ACACB: variants seen among roughly 807,000 people sequenced by gnomAD.
ACACB encodes the protein acetyl-CoA carboxylase beta, also known as acetyl-CoA carboxylase 2.
ACACB carries 209 observed loss-of-function variants against 278.8 expected under a neutral mutation model. The ratio of observed to expected loss-of-function variants is 0.75; its 90% CI spans 0.67 to 0.84. The LOEUF (loss-of-function observed/expected upper bound fraction) is 0.84, where lower values mean the gene tolerates loss of function less well. ACACB is among the 40% of genes least tolerant of loss of function. ACACB has a pLI of 0.00. For synonymous variants in ACACB, 1,174 were observed against 1,285.6 expected (o/e 0.91, Z 1.86); for missense variants, 2,850 against 3,269.0 (o/e 0.87, Z 3.13).
intron 41 of ACACB, 111 bp from the exon 42 acceptor site, chr12:109,251,935 G>T: frequency 1.2e-5 from 9 of 741,820 alleles, no homozygotes; most frequent in Non-Finnish European, 1.9e-5. Flanking sequence ...GGTTGCCATT[G>T]GTCAAAACAT....
At chr12:109,116,793 G>A (rs146533576) in intron 1 of ACACB, 89 bp downstream of exon 1, 56 of 152,240 alleles carry the variant, frequency 3.7e-4, no homozygotes, top group Middle Eastern at 6.8e-3. Flanking sequence ...AGCAGACCCT[G>A]TCTGAAGGCA....
intron 9 of ACACB, 113 bp downstream of exon 9, chr12:109,176,376 C>G (rs533399535): frequency 2.9e-5 from 28 of 950,600 alleles, no homozygotes; most frequent in South Asian, 2.4e-4. Flanking sequence ...TTTGTAGGAG[C>G]TGGATGTATC....
chr12:109,210,235 A>ATATATACACACGTGTG lies in ACACB; in HGVS notation c.3249+887_3249+888insACACACGTGTGTATAT, dbSNP rs1217482493. On this transcript the variant is annotated intron_variant, in intron 21 of 52. Coordinates refer to ENST00000338432, the MANE Select transcript of ACACB (RefSeq NM_001093.4). ...TATATACACACATGTGTGTATATGT[A>ATATATACACACGTGTG]TATATGTATATATACACACATGTGT... Among the ~76,000 whole-genome samples the ATATATACACACGTGTG allele has an allele frequency of 1.9e-3, 40 of 21,092 alleles. 11 individuals are homozygous for ATATATACACACGTGTG. Among genetic ancestry groups the ATATATACACACGTGTG allele is most frequent in the South Asian group, 2.4e-3 (1 of 414 alleles). 13.8% of individuals were successfully genotyped at this position (21,092 alleles called of 152,430 possible).
At chr12:109,259,563 CA>C (rs567756898) in intron 47 of ACACB, among the ~76,000 whole-genome samples, 18 of 118,936 alleles carry the variant, frequency 1.5e-4, no homozygotes, top group Admixed American at 2.7e-4. Flanking sequence ...ACCCCCATCT[CA>C]AAAAAAAAAA....
intron 2 of ACACB, among the ~76,000 whole-genome samples, chr12:109,145,419 T>C (rs1368082775): frequency 2.6e-5 from 4 of 152,206 alleles, no homozygotes; most frequent in South Asian, 2.1e-4. Flanking sequence ...GTGTACATTG[T>C]ATCTATTAGG....
In ACACB at chr12:109,118,295, GA is replaced by G. The variant is rs571073824; in HGVS notation, c.-10+1594del. Among the ~76,000 whole-genome samples the G allele has an allele frequency of 1.2e-4, 19 of 152,166 alleles. No homozygotes were observed. In the South Asian group the frequency reaches 3.9e-3, roughly 32 times the overall value. ...TTTCAACACCTTTAGGTCTGAGACAGAAATTTGAGTATTACATTACATGAGA... is the reference window on the plus strand; with the variant it reads ...TTTCAACACCTTTAGGTCTGAGACAGAATTTGAGTATTACATTACATGAGA... On this transcript the variant is annotated intron_variant, in intron 1 of 52. Transcript: ENST00000338432.
At chr12:109,185,457 A>T in intron 11 of ACACB, 122 bp from the exon 12 acceptor site, 1 of 1,037,264 alleles carries the variant, frequency 9.6e-7, no homozygotes, top group Non-Finnish European at 1.4e-6. Flanking sequence ...TTGTCTATAG[A>T]GTAGTGTCTG....
intron 21 of ACACB, 144 bp from the exon 22 acceptor site, chr12:109,212,692 G>T: frequency 3.0e-6 from 2 of 666,054 alleles, no homozygotes; most frequent in Non-Finnish European, 5.3e-6. Flanking sequence ...CTCACCCACT[G>T]CTTACCTCCC....
At chr12:109,254,631 G>A (rs190131238) in intron 44 of ACACB, among the ~76,000 whole-genome samples, 141 of 152,154 alleles carry the variant, frequency 9.3e-4, no homozygotes, top group Non-Finnish European at 1.5e-3. Flanking sequence ...TCCATGCTCC[G>A]TGGTCTCTAA....
intron 24 of ACACB, among the ~76,000 whole-genome samples, chr12:109,220,236 G>A (rs1555225383): frequency 6.6e-6 from 1 of 152,098 alleles, no homozygotes; most frequent in Non-Finnish European, 1.5e-5. Flanking sequence ...TTACAGTCTC[G>A]GGATAAATGT....
chr12:109,256,966 G>A (rs779875892), intron 45 of ACACB, among the ~76,000 whole-genome samples: 4 of 152,098 alleles, frequency 2.6e-5, no homozygotes, highest in Admixed American at 6.6e-5. Flanking sequence ...TTACATCTTC[G>A]GCAATAAATA....
chr12:109,198,826 G>A (rs952798677), intron 17 of ACACB, among the ~76,000 whole-genome samples: 6 of 151,336 alleles, frequency 4.0e-5, no homozygotes, highest in Admixed American at 3.3e-4. Context: ...GGGTCTCACT[G>A]TGTTGCCCAA....
In ACACB at chr12:109,171,898, A is replaced by G; in HGVS notation, c.1019A>G (p.Lys340Arg). The G allele has an allele frequency of 6.2e-7, 1 of 1,614,022 alleles. No homozygotes were observed. The highest frequency in any genetic ancestry group is 8.5e-7 in the Non-Finnish European group (1 of 1,179,924). Residue 340 changes from lysine to arginine, a missense_variant, in exon 5 of 53, where the codon AAG becomes AGG. This residue lies in a region of ACACB where 2,265 missense variants were observed against 2,561.3 expected (regional missense o/e 0.88). Transcript: ENST00000338432. ...GTGGAGCTGATTGTGGACATTGCCA[A>G]GAGAATCCCCGTGCAGGTAGATGGA... Reference protein sequence around the residue: ...ANVELIVDIAKRIPVQAVWAG... With the variant: ...ANVELIVDIARRIPVQAVWAG...
At position 109,210,410 on chromosome 12, in the gene ACACB, C is replaced by CATGTGTATATATGTATATACACGCACAT. The variant is rs1565928347; in HGVS notation, c.3249+1058_3249+1059insTGTGTATATATGTATATACACGCACATA. 2.1e-3 allele frequency among the ~76,000 whole-genome samples: 269 copies of CATGTGTATATATGTATATACACGCACAT among 129,812 alleles called. 3 individuals are homozygous for CATGTGTATATATGTATATACACGCACAT. The highest frequency in any genetic ancestry group is 8.0e-3 in the African/African-American group (254 of 31,578). 85.2% of individuals were successfully genotyped at this position (129,812 alleles called of 152,430 possible). A position where few individuals can be genotyped will look rare whatever the true frequency, so the allele number is the denominator to read the frequency against. ...GTGTATATATGTATATACACGCACACACATGTGTATATATGTATATACACG... is the reference window on the plus strand; with the variant it reads ...GTGTATATATGTATATACACGCACACATGTGTATATATGTATATACACGCACATACATGTGTATATATGTATATACACG... On this transcript the variant is annotated intron_variant, in intron 21 of 52. Coordinates refer to ENST00000338432, the MANE Select transcript of ACACB (RefSeq NM_001093.4).
At chr12:109,144,532 C>A (rs2043190888) in intron 2 of ACACB, among the ~76,000 whole-genome samples, 1 of 151,938 alleles carries the variant, frequency 6.6e-6, no homozygotes, top group Non-Finnish European at 1.5e-5. Context: ...AAGGTGGTGT[C>A]AAAAGACAAA....
chr12:109,183,527 T>C (rs1188466347), intron 11 of ACACB, among the ~76,000 whole-genome samples: 1 of 152,234 alleles, frequency 6.6e-6, no homozygotes, highest in African/African-American at 2.4e-5. Context: ...CCAGGGATTT[T>C]ATTTTGTTTG....
intron 45 of ACACB, 29 bp downstream of exon 45, chr12:109,256,265 C>A: frequency 6.3e-7 from 1 of 1,593,630 alleles, no homozygotes; most frequent in South Asian, 1.1e-5. Context: ...GCAGGCTGCC[C>A]ATGTCTGACT....
intron 27 of ACACB, among the ~76,000 whole-genome samples, chr12:109,224,652 C>T (rs7135143): frequency 0.089 from 13,579 of 151,936 alleles, 1,611 homozygotes; most frequent in African/African-American, 0.27. Flanking sequence ...CTTCCTCAGC[C>T]TCCCCAGTAG....
intron 17 of ACACB, among the ~76,000 whole-genome samples, chr12:109,197,830 C>G (rs978763863): frequency 1.3e-5 from 2 of 152,168 alleles, no homozygotes; most frequent in African/African-American, 4.8e-5. Context: ...TGGAGACTCT[C>G]TTCTCAATCC....
Sources: gnomAD v4.1 joint callset for allele counts (sites outside exome capture counted in the v4.1 genomes callset) on GRCh38, gnomAD v4.1.1 for gene constraint, gnomAD v4.1.1 regional missense constraint, MANE v1.5 for transcripts, NCBI Gene and HGNC (gene_info 2026-07-23, HGNC 2026-07-21) for gene names.